Variants in OAS3 observed in about 807,000 individuals in gnomAD.
OAS3 encodes the protein 2'-5'-oligoadenylate synthetase 3, also known as 2'-5'-oligoadenylate synthase 3.
A neutral mutation model predicts 113.0 loss-of-function variants in OAS3; 107 were observed. The observed-to-expected ratio is 0.95, with a 90% CI of 0.81 to 1.11. The LOEUF is 1.11. Among genes scored for constraint, OAS3 ranks in the 50% most tolerant of loss-of-function variants. The probability of loss-of-function intolerance (pLI) is 0.00; values close to 1 mark genes in which losing one functional copy is unlikely to be tolerated. For missense variants in OAS3, 1,258 were observed against 1,389.1 expected (o/e 0.91, Z 1.50); for synonymous variants, 552 against 573.6 (o/e 0.96, Z 0.54).
intron 7 of OAS3, among the ~76,000 whole-genome samples, chr12:112,957,115 C>T (rs751670016): frequency 1.3e-5 from 2 of 152,106 alleles, no homozygotes; most frequent in Non-Finnish European, 2.9e-5. Context: ...CTCTTTTGAT[C>T]TTTGTTGGTT....
chr12:112,966,961 C>G (rs537997598), intron 12 of OAS3, among the ~76,000 whole-genome samples: 1 of 152,286 alleles, frequency 6.6e-6, no homozygotes, highest in South Asian at 2.1e-4. Flanking sequence ...TTATCTGAAT[C>G]TACTCAGTTC....
rs2285933 is a variant in OAS3, at chr12:112,948,974, C to A, written c.1143C>A (p.Ser381Arg). Residue 381 changes from serine (S) to arginine (R), a missense_variant, in exon 6 of 16, where the codon AGC (serine) becomes AGA (arginine). Ser to Arg is a moderately radical substitution (Grantham distance 110). Transcript: ENST00000228928. ...SLNAVYPRAG[S>R]KPPSCPAPGP... ...ATGCTGTGTACCCAAGAGCAGGGAG[C>A]AAACCTCCCTCATGCCCAGCTCCTG... 6.2e-7 allele frequency: 1 copy of A among 1,613,446 alleles called. No homozygotes were observed. The highest frequency in any genetic ancestry group is 1.3e-5 in the African/African-American group (1 of 74,852).
Position 112,963,312 on chromosome 12 carries a change from G to C in OAS3, c.2085-1G>C. 1 of 1,570,384 alleles carries C rather than the reference G, an allele frequency of 6.4e-7. No homozygotes were observed. The highest frequency in any genetic ancestry group is 8.6e-7 in the Non-Finnish European group (1 of 1,156,390). The stretch of plus-strand genomic sequence containing the variant: ...CACCCACCTTCCTGCTGTGCCCCCA[G>C]ACCCCTGGTCCTGGACCCCGCTGAT... On this transcript the variant is annotated splice_acceptor_variant, in intron 9 of 15. Coordinates refer to ENST00000228928, the MANE Select transcript of OAS3 (RefSeq NM_006187.4). LOFTEE classifies it high-confidence loss of function. The surrounding 1 kb of genome is among the most constrained non-coding windows in gnomAD (Gnocchi z 4.6).
intron 8 of OAS3, 41 bp downstream of exon 8, chr12:112,961,287 A>G (rs748109236): frequency 1.1e-5 from 17 of 1,588,210 alleles, no homozygotes; most frequent in Middle Eastern, 1.7e-4. Flanking sequence ...CACCACTGTC[A>G]TGGCAACCAC....
intron 4 of OAS3, 146 bp from the exon 5 acceptor site, chr12:112,947,800 G>T: frequency 1.5e-6 from 1 of 672,254 alleles, no homozygotes. Flanking sequence ...TCATTTTGCG[G>T]ATAAGGAAAT....
chr12:112,948,881 C>T lies in OAS3; in HGVS notation c.1050C>T (p.Cys350=), dbSNP rs1477851695. 1.3e-6 allele frequency: 2 copies of T among 1,583,832 alleles called. No homozygotes were observed. Among genetic ancestry groups the T allele is most frequent in the African/African-American group, 2.7e-5 (2 of 74,058 alleles). Residue 350 remains cysteine (C), a synonymous_variant, in exon 6 of 16, where the codon TGC becomes TGT. Transcript: ENST00000228928. ...WKGPGLPRAG[C]SGLGHPIQLD... Reference sequence around the variant, plus strand: ...TCCAGGGCCTTCCACGTGCTGGATGCTCAGGTTTGGGCCACCCCATCCAGC... The same window carrying T: ...TCCAGGGCCTTCCACGTGCTGGATGTTCAGGTTTGGGCCACCCCATCCAGC...
chr12:112,958,327 A>G (rs1158339186), intron 7 of OAS3, among the ~76,000 whole-genome samples: 1 of 152,258 alleles, frequency 6.6e-6, no homozygotes, highest in Non-Finnish European at 1.5e-5. Flanking sequence ...AATTGTCTGA[A>G]GCCTTCTTCT....
rs552495430 is a variant in OAS3, at chr12:112,942,522, A to G, written c.460+670A>G. 7.2e-5 allele frequency among the ~76,000 whole-genome samples: 11 copies of G among 152,170 alleles called. No individual in the cohort carries two copies. The South Asian group carries it at 1.2e-3, about 17-fold the overall frequency. On this transcript the variant is annotated intron_variant, in intron 2 of 15. Coordinates refer to ENST00000228928, the MANE Select transcript of OAS3 (RefSeq NM_006187.4). ...AGGAGTTCAAGATCAGCCTTGGCAAAATAGCAAGATCTAGTCTCTACAAAT... is the reference window on the plus strand; with the variant it reads ...AGGAGTTCAAGATCAGCCTTGGCAAGATAGCAAGATCTAGTCTCTACAAAT...
At chr12:112,949,863 A>G (rs2136349334) in intron 6 of OAS3, among the ~76,000 whole-genome samples, 1 of 152,284 alleles carries the variant, frequency 6.6e-6, no homozygotes, top group Non-Finnish European at 1.5e-5. Context: ...TACTGAAAAT[A>G]CAAAAATTAG....
intron 11 of OAS3, among the ~76,000 whole-genome samples, chr12:112,965,387 T>G (rs1357802241): frequency 6.6e-6 from 1 of 152,030 alleles, no homozygotes; most frequent in Non-Finnish European, 1.5e-5. Context: ...TAAATCACAG[T>G]CTTGTGGGGT....
At chr12:112,965,271 A>C (rs1480392053) in intron 11 of OAS3, among the ~76,000 whole-genome samples, 3 of 152,212 alleles carry the variant, frequency 2.0e-5, no homozygotes, top group Non-Finnish European at 4.4e-5. Context: ...ACACTTGAGG[A>C]GAGTGGCTTG....
At chr12:112,944,807 C>T in intron 3 of OAS3, 156 bp downstream of exon 3, 1 of 779,622 alleles carries the variant, frequency 1.3e-6, no homozygotes, top group South Asian at 1.6e-5. Flanking sequence ...CTTGGGTTAG[C>T]TGTCTTGTTA....
At chr12:112,943,680 GACCT>G (rs2043701386) in intron 2 of OAS3, among the ~76,000 whole-genome samples, 1 of 152,124 alleles carries the variant, frequency 6.6e-6, no homozygotes, top group Non-Finnish European at 1.5e-5. Context: ...TACATGTAAA[GACCT>G]TCTGTCCAGT....
chr12:112,956,651 G>C (rs2043838847), intron 7 of OAS3, among the ~76,000 whole-genome samples: 1 of 152,224 alleles, frequency 6.6e-6, no homozygotes, highest in South Asian at 2.1e-4. Flanking sequence ...GTGGTTTTGA[G>C]TGAGTTTCTT....
intron 8 of OAS3, among the ~76,000 whole-genome samples, chr12:112,961,581 A>G (rs942973088): frequency 6.6e-6 from 1 of 151,464 alleles, no homozygotes; most frequent in African/African-American, 2.4e-5. Flanking sequence ...CCACATGTCT[A>G]TTTTTAGAAA....
intron 7 of OAS3, among the ~76,000 whole-genome samples, chr12:112,956,293 G>A (rs577395838): frequency 5.1e-4 from 78 of 152,024 alleles, no homozygotes; most frequent in South Asian, 2.5e-3. Flanking sequence ...ACCAGCTCTC[G>A]GATTCATTGA....
chr12:112,954,524 C>T lies in OAS3; in HGVS notation c.1657+3549C>T, dbSNP rs182377719. ...TGTTAGCCAGGATGGTCTTGATCTCCCGACCTCGTGATCCACCCACCTCGG... is the reference window on the plus strand; with the variant it reads ...TGTTAGCCAGGATGGTCTTGATCTCTCGACCTCGTGATCCACCCACCTCGG... On this transcript the variant is annotated intron_variant, in intron 7 of 15. Transcript: ENST00000228928. The surrounding 1 kb of genome is among the most constrained non-coding windows in gnomAD (Gnocchi z 4.0). 4.0e-3 allele frequency among the ~76,000 whole-genome samples: 610 copies of T among 152,198 alleles called. 3 individuals are homozygous for T. Among genetic ancestry groups the T allele is most frequent in the African/African-American group, 0.014 (587 of 41,526 alleles).
intron 7 of OAS3, among the ~76,000 whole-genome samples, chr12:112,960,411 A>T (rs2043871668): frequency 6.6e-6 from 1 of 152,132 alleles, no homozygotes; most frequent in Non-Finnish European, 1.5e-5. Flanking sequence ...TTTTGCAGTC[A>T]CTTTTCATGA....
In OAS3 at chr12:112,949,055, G is replaced by A. The variant is rs770378081; in HGVS notation, c.1224G>A (p.Leu408=). ...CTGTGCCGGGAATGGCCTTGGACCT[G>A]TCTCAGATCCCCACCAAGGAGCTGG... ...VPSVPGMALD[L]SQIPTKELDR... The change falls in exon 6 of 16, where the codon CTG becomes CTA. Residue 408 remains leucine, a synonymous_variant. Coordinates refer to ENST00000228928, the MANE Select transcript of OAS3 (RefSeq NM_006187.4). 1.2e-6 allele frequency: 2 copies of A among 1,614,034 alleles called. No homozygotes were observed. The highest frequency in any genetic ancestry group is 3.3e-5 in the Admixed American group (2 of 60,028).
Sources: allele counts gnomAD v4.1 joint callset (sites outside exome capture counted in the v4.1 genomes callset), GRCh38; gene constraint gnomAD v4.1.1; non-coding constraint Gnocchi (gnomAD v3.1); transcripts MANE v1.5; gene names NCBI Gene and HGNC (gene_info 2026-07-23, HGNC 2026-07-21).